The following EPAS1 variants were observed in gnomAD, a reference collection of about 807,000 sequenced individuals.
EPAS1 encodes the protein endothelial PAS domain-containing protein 1.
Under a neutral mutation model 87.9 loss-of-function variants are expected in EPAS1, and 23 were observed. The ratio of observed to expected loss-of-function variants is 0.26; its 90% confidence interval spans 0.19 to 0.37. EPAS1 has a LOEUF of 0.37. Ranked by LOEUF, EPAS1 falls within the 10% of genes least tolerant of loss-of-function variation. The pLI is 1.00. For missense variants in EPAS1, 1,138 were observed against 1,120.7 expected, an observed-to-expected ratio of 1.02 and a Z score of -0.22; for synonymous variants, 508 against 444.3, an observed-to-expected ratio of 1.14 and a Z score of -1.80.
At chr2:46,377,005 C>T (rs1357408656) in intron 9 of EPAS1, among the ~76,000 whole-genome samples, 24 of 152,164 alleles carry the variant, frequency 1.6e-4, no homozygotes, top group Admixed American at 1.6e-3. Flanking sequence ...GAGAGGACAC[C>T]CCCCTGAGGG....
intron 4 of EPAS1, among the ~76,000 whole-genome samples, chr2:46,357,384 T>C (rs1360652107): frequency 2.0e-5 from 3 of 152,180 alleles, no homozygotes; most frequent in Admixed American, 6.5e-5. Flanking sequence ...TCAGTTGGCA[T>C]GCTGGGACAA....
chr2:46,317,850 T>C (rs1558585318), intron 1 of EPAS1, among the ~76,000 whole-genome samples: 1 of 152,250 alleles, frequency 6.6e-6, no homozygotes, highest in African/African-American at 2.4e-5. Context: ...TTTTATGTTA[T>C]GGAGATGTCT....
intron 1 of EPAS1, among the ~76,000 whole-genome samples, chr2:46,311,183 G>A (rs1330270706): frequency 1.3e-5 from 2 of 152,060 alleles, no homozygotes; most frequent in African/African-American, 4.8e-5. Context: ...AGCATATTTG[G>A]CCTCTTATTC....
intron 2 of EPAS1, among the ~76,000 whole-genome samples, chr2:46,353,011 A>T (rs896439211): frequency 5.9e-5 from 9 of 152,214 alleles, no homozygotes; most frequent in African/African-American, 2.4e-5. Context: ...TAGTTAACCC[A>T]AATAGGGTTG....
rs1436547035 is a variant in EPAS1 at position 46,380,900 on chromosome 2, G to C, written c.2045+183G>C. Among the ~76,000 whole-genome samples the C allele has an allele frequency of 6.6e-6, 1 of 152,136 alleles. No individual in the cohort carries two copies. Among genetic ancestry groups the C allele is most frequent in the African/African-American group, 2.4e-5 (1 of 41,418 alleles). On this transcript the variant is annotated intron_variant, in intron 12 of 15. Transcript: ENST00000263734. The surrounding 1 kb of genome is among the most constrained non-coding windows in gnomAD (Gnocchi z 4.4). ...GCCATGTGAGGCCTAGTGTAGGATG[G>C]GTTTTTATCTGGGCTGCCACTGAGG...
rs1482561719 is a variant in EPAS1, at chr2:46,385,431, A to ATATC, written c.*774_*777dup. The ATATC allele has an allele frequency of 6.6e-6, 1 of 152,338 alleles. No individual in the cohort carries two copies. Among genetic ancestry groups the ATATC allele is most frequent in the East Asian group, 1.9e-4 (1 of 5,204 alleles). The allele number at this position is 152,338 out of a possible 1,614,324, so 9.4% of individuals were successfully genotyped here. ...TTATCATATATATGGGTACTTTGTA[A>ATATC]TATCTAAAAACTTAGAAACGGAAAT... On this transcript the variant is annotated 3_prime_UTR_variant, in exon 16 of 16. Transcript: ENST00000263734.
At chr2:46,382,344 A>G in intron 14 of EPAS1, 81 bp from the exon 15 acceptor site, 1 of 1,564,680 alleles carries the variant, frequency 6.4e-7, no homozygotes, top group Non-Finnish European at 8.8e-7. Context: ...CCTTTTATAA[A>G]GGAAAGGGAT....
intron 4 of EPAS1, among the ~76,000 whole-genome samples, chr2:46,357,991 C>T (rs1684305614): frequency 6.6e-6 from 1 of 152,196 alleles, no homozygotes; most frequent in Non-Finnish European, 1.5e-5. Context: ...TGTCACTGGT[C>T]TGGGGAGATT....
chr2:46,304,058 C>A (rs1215273459), intron 1 of EPAS1, among the ~76,000 whole-genome samples: 2 of 152,198 alleles, frequency 1.3e-5, no homozygotes, highest in Non-Finnish European at 2.9e-5. Context: ...TGAAAAATGA[C>A]TGTGAAAACA....
At chr2:46,305,363 G>A in intron 1 of EPAS1, among the ~76,000 whole-genome samples, 1 of 152,122 alleles carries the variant, frequency 6.6e-6, no homozygotes, top group East Asian at 1.9e-4. Context: ...GCCTTAGGCT[G>A]TTTGCAGGGG....
rs376653305 is a variant in EPAS1, at chr2:46,381,679, G to A, written c.2129G>A (p.Arg710Gln). The A allele has an allele frequency of 1.9e-6, 3 of 1,614,014 alleles. No homozygotes were observed. Among genetic ancestry groups the A allele is most frequent in the Non-Finnish European group, 2.5e-6 (3 of 1,180,034 alleles). The change falls in exon 13 of 16, where the codon CGA becomes CAA. Residue 710 changes from arginine to glutamine, a missense_variant. Coordinates refer to ENST00000263734, the MANE Select transcript of EPAS1 (RefSeq NM_001430.5). ...VALSNKLKLK[R>Q]QLEYEEQAFQ... ...CTCTCCAACAAGCTGAAGCTGAAGCGACAGCTGGAGTATGAAGAGCAAGCC... is the reference window on the plus strand; with the variant it reads ...CTCTCCAACAAGCTGAAGCTGAAGCAACAGCTGGAGTATGAAGAGCAAGCC...
intron 4 of EPAS1, among the ~76,000 whole-genome samples, chr2:46,359,552 T>A (rs1210838853): frequency 6.6e-6 from 1 of 152,200 alleles, no homozygotes; most frequent in Non-Finnish European, 1.5e-5. Flanking sequence ...TTTAAAAAAA[T>A]TCACTATTCA....
intron 1 of EPAS1, among the ~76,000 whole-genome samples, chr2:46,329,835 A>G (rs1250325553): frequency 1.3e-5 from 2 of 152,122 alleles, no homozygotes; most frequent in African/African-American, 4.8e-5. Flanking sequence ...CAAACAGACA[A>G]ACAAAACACA....
intron 1 of EPAS1, among the ~76,000 whole-genome samples, chr2:46,321,419 G>A (rs1462239125): frequency 6.6e-6 from 1 of 152,110 alleles, no homozygotes; most frequent in Non-Finnish European, 1.5e-5. Flanking sequence ...TGGTAATTCT[G>A]TGTTTATTTT....
rs1325754086 is a variant in EPAS1 at position 46,332,310 on chromosome 2, G to GTGTT, written c.27-14560_27-14559insTTGT. On this transcript the variant is annotated intron_variant, in intron 1 of 15. Transcript: ENST00000263734. The stretch of plus-strand genomic sequence containing the variant: ...AAAATACGTGTGTGTGTGTGTGTGT[G>GTGTT]TGTGTGTGTGTGTGTGTGTGTGTAT... Among the ~76,000 whole-genome samples the GTGTT allele has an allele frequency of 3.0e-4, 41 of 138,746 alleles. 1 individual carries two copies. The highest frequency in any genetic ancestry group is 9.9e-4 in the African/African-American group (38 of 38,404). The allele number at this position is 138,746 out of a possible 152,430, so 91.0% of individuals were successfully genotyped here.
chr2:46,369,328 C>G (rs1198004639), intron 6 of EPAS1, among the ~76,000 whole-genome samples: 9 of 152,286 alleles, frequency 5.9e-5, no homozygotes, highest in African/African-American at 2.2e-4. Flanking sequence ...GTGGCTCTAC[C>G]TGGGGCCACA....
rs1185233476 is a variant in EPAS1 at position 46,359,300 on chromosome 2, G to A, written c.455-1338G>A. Among the ~76,000 whole-genome samples, 4 of 134,796 alleles carry A rather than the reference G, an allele frequency of 3.0e-5. No individual in the cohort carries two copies. The Admixed American group carries it at 3.1e-4, about 10-fold the overall frequency. 88.4% of individuals were successfully genotyped at this position (134,796 alleles called of 152,430 possible). A position where few individuals can be genotyped will look rare whatever the true frequency, so the allele number is the denominator to read the frequency against. On this transcript the variant is annotated intron_variant, in intron 4 of 15. Transcript: ENST00000263734. ...AAAAAAAGATCAAATGTCAGCATGG[G>A]GAGAATCCAGAGGTTAGCAAGTTAA...
At chr2:46,321,301 T>A (rs1200521495) in intron 1 of EPAS1, among the ~76,000 whole-genome samples, 1 of 152,286 alleles carries the variant, frequency 6.6e-6, no homozygotes, top group Non-Finnish European at 1.5e-5. Flanking sequence ...ACATTTGAGT[T>A]GTTTCCACCT....
chr2:46,306,448 T>C (rs554678348), intron 1 of EPAS1, among the ~76,000 whole-genome samples: 2 of 152,326 alleles, frequency 1.3e-5, no homozygotes, highest in South Asian at 4.1e-4. Flanking sequence ...ATGTACCACC[T>C]TGGGCTCCAG....
Sources: allele counts gnomAD v4.1 joint callset (sites outside exome capture counted in the v4.1 genomes callset), GRCh38; gene constraint gnomAD v4.1.1; non-coding constraint Gnocchi (gnomAD v3.1); transcripts MANE v1.5; gene names NCBI Gene and HGNC (gene_info 2026-07-23, HGNC 2026-07-21).